The following CLEC1A variants were observed in gnomAD, a reference collection of about 807,000 sequenced individuals.
CLEC1A encodes C-type lectin-like receptor-1.
In CLEC1A, 34 loss-of-function variants were observed where a neutral mutation model predicts 28.7. The ratio of observed to expected loss-of-function variants is 1.18; its 90% CI spans 0.90 to 1.57. The LOEUF (loss-of-function observed/expected upper bound fraction) is 1.57, where lower values mean the gene tolerates loss of function less well. Ranked by LOEUF, CLEC1A falls within the 40% of genes most tolerant of loss-of-function variation. CLEC1A has a pLI of 0.00. For missense variants in CLEC1A, 385 were observed against 339.5 expected, an observed-to-expected ratio of 1.13 and a Z score of -1.05; for synonymous variants, 116 against 121.0, an observed-to-expected ratio of 0.96 and a Z score of 0.27.
At chr12:10,096,886 C>T (rs548329236) in intron 1 of CLEC1A, among the ~76,000 whole-genome samples, 1 of 152,256 alleles carries the variant, frequency 6.6e-6, no homozygotes, top group South Asian at 2.1e-4. Flanking sequence ...CTGAACTCCT[C>T]TACTTAATTA....
chr12:10,093,766 A>G (rs1167928380), intron 1 of CLEC1A, among the ~76,000 whole-genome samples: 2 of 152,090 alleles, frequency 1.3e-5, no homozygotes, highest in Admixed American at 6.6e-5. Flanking sequence ...TGGGGGCAAA[A>G]CTGGTGGCAA....
At chr12:10,087,477 TA>T (rs1382268390) in intron 2 of CLEC1A, among the ~76,000 whole-genome samples, 2 of 4,130 alleles carry the variant, frequency 4.8e-4, no homozygotes, top group African/African-American at 9.1e-4. Flanking sequence ...CAAAGTTATA[TA>T]TATATATATA....
intron 1 of CLEC1A, among the ~76,000 whole-genome samples, chr12:10,097,127 CTTAA>C (rs1326157641): frequency 6.6e-6 from 1 of 152,118 alleles, no homozygotes; most frequent in African/African-American, 2.4e-5. Context: ...TTTTCACTAT[CTTAA>C]TTGTTTGGCA....
chr12:10,088,396 T>G (rs968129911), intron 2 of CLEC1A, among the ~76,000 whole-genome samples: 4 of 92,284 alleles, frequency 4.3e-5, no homozygotes, highest in African/African-American at 1.5e-4. Context: ...GACATTAAAA[T>G]CTGCTCTTCT....
At chr12:10,073,513 G>T in intron 4 of CLEC1A, 102 bp from the exon 5 acceptor site, 1 of 778,034 alleles carries the variant, frequency 1.3e-6, no homozygotes, top group Non-Finnish European at 2.2e-6. Flanking sequence ...GCACACACAA[G>T]TCCTGCTTCA....
intron 2 of CLEC1A, among the ~76,000 whole-genome samples, chr12:10,088,348 A>T (rs1487551156): frequency 1.3e-5 from 2 of 152,164 alleles, no homozygotes; most frequent in African/African-American, 4.8e-5. Flanking sequence ...TATAAGACAC[A>T]AACAGAAGTA....
In CLEC1A at chr12:10,071,359, G is replaced by T. The variant is rs773458345; in HGVS notation, c.817C>A (p.Pro273Thr). 6.2e-7 allele frequency: 1 copy of T among 1,613,516 alleles called. No homozygotes were observed. The highest frequency in any genetic ancestry group is 8.5e-7 in the Non-Finnish European group (1 of 1,179,796). The change falls in exon 6 of 6, where the codon CCT becomes ACT. Residue 273 changes from proline to threonine, a missense_variant. Transcript: ENST00000315330. ...MVKPESLHVP[P>T]ETLGEGD is the part of the protein sequence containing the mutation. Reference sequence around the variant, plus strand: ...CAGTCACCTTCGCCTAATGTTTCAGGGGGGACATGGAGGCTCTCTGGCTTC... The same window carrying T: ...CAGTCACCTTCGCCTAATGTTTCAGTGGGGACATGGAGGCTCTCTGGCTTC...
At chr12:10,075,395 G>T (rs1292946199) in intron 4 of CLEC1A, 109 bp downstream of exon 4, 4 of 1,183,406 alleles carry the variant, frequency 3.4e-6, no homozygotes, top group Non-Finnish European at 4.8e-6. Flanking sequence ...ATCGAAACAG[G>T]TTCGAAAACC....
At chr12:10,075,438 C>G in intron 4 of CLEC1A, 66 bp downstream of exon 4, 1 of 1,535,600 alleles carries the variant, frequency 6.5e-7, no homozygotes, top group South Asian at 1.2e-5. Flanking sequence ...TTAGAGTCTT[C>G]TTGCCTAATG....
intron 2 of CLEC1A, among the ~76,000 whole-genome samples, chr12:10,087,202 C>T (rs1407164457): frequency 4.8e-4 from 5 of 10,458 alleles, no homozygotes; most frequent in African/African-American, 1.2e-3. Flanking sequence ...AAGACTCCAT[C>T]TCAAAAAAAA....
At chr12:10,095,252 G>A (rs988345136) in intron 1 of CLEC1A, among the ~76,000 whole-genome samples, 2 of 152,154 alleles carry the variant, frequency 1.3e-5, no homozygotes, top group East Asian at 3.8e-4. Flanking sequence ...TGTAATTAAT[G>A]TGAACAAGGG....
intron 5 of CLEC1A, 54 bp downstream of exon 5, chr12:10,073,239 C>A: frequency 7.3e-7 from 1 of 1,377,322 alleles, no homozygotes; most frequent in South Asian, 1.2e-5. Flanking sequence ...CTCTATCACT[C>A]AAGCAAAATA....
Position 10,076,736 on chromosome 12 carries a change from T to C in CLEC1A, c.392-1081A>G, listed in dbSNP as rs902485031. 1.3e-5 allele frequency among the ~76,000 whole-genome samples: 2 copies of C among 152,110 alleles called. 1 individual carries two copies. Among genetic ancestry groups the C allele is most frequent in the East Asian group, 3.9e-4 (2 of 5,178 alleles). On this transcript the variant is annotated intron_variant, in intron 3 of 5. Coordinates refer to ENST00000315330, the MANE Select transcript of CLEC1A (RefSeq NM_016511.4). ...TAAATACGTAAAAAACAGAGTCCAG[T>C]TTGTGCAGAGACTTATGCATAAAAA...
intron 1 of CLEC1A, among the ~76,000 whole-genome samples, chr12:10,091,075 A>G (rs1947697497): frequency 6.6e-6 from 1 of 152,156 alleles, no homozygotes; most frequent in South Asian, 2.1e-4. Context: ...TTCAGTTTCA[A>G]TGGCACATCC....
At chr12:10,076,146 A>C (rs1866247237) in intron 3 of CLEC1A, among the ~76,000 whole-genome samples, 1 of 152,228 alleles carries the variant, frequency 6.6e-6, no homozygotes, top group Non-Finnish European at 1.5e-5. Context: ...TGAAGTTAGA[A>C]TGCTGAATCT....
chr12:10,083,836 C>T (rs983284822), intron 2 of CLEC1A, among the ~76,000 whole-genome samples: 4 of 151,738 alleles, frequency 2.6e-5, no homozygotes, highest in African/African-American at 4.8e-5. Flanking sequence ...AAATAAATAT[C>T]GTAAAGAAAA....
At chr12:10,097,915 T>TAAAAAAAAAAAAAAAAAAAAAAAAAA (rs11453815) in intron 1 of CLEC1A, among the ~76,000 whole-genome samples, 1 of 117,878 alleles carries the variant, frequency 8.5e-6, no homozygotes, top group African/African-American at 3.2e-5. Context: ...GTAGTTTAGT[T>TAAAAAAAAAAAAAAAAAAAAAAAAAA]AAAAAAAAAA....
chr12:10,085,781 A>G (rs763988147), intron 2 of CLEC1A, among the ~76,000 whole-genome samples: 10 of 152,212 alleles, frequency 6.6e-5, no homozygotes, highest in Non-Finnish European at 1.3e-4. Context: ...AAAGTCAACA[A>G]TGAAGAAGAA....
chr12:10,082,430 T>G (rs1866391884), intron 2 of CLEC1A, among the ~76,000 whole-genome samples: 1 of 152,100 alleles, frequency 6.6e-6, no homozygotes, highest in South Asian at 2.1e-4. Flanking sequence ...ACTTCCCTGG[T>G]GACCTGTATG....
Sources: gnomAD v4.1 joint callset for allele counts (sites outside exome capture counted in the v4.1 genomes callset) on GRCh38, gnomAD v4.1.1 for gene constraint, MANE v1.5 for transcripts, NCBI Gene and HGNC (gene_info 2026-07-23, HGNC 2026-07-21) for gene names.